Variants in TRIM9 observed in about 807,000 individuals in gnomAD.
TRIM9 encodes the protein E3 ubiquitin-protein ligase TRIM9.
Under a neutral mutation model 78.3 loss-of-function variants are expected in TRIM9, and 26 were observed. The ratio of observed to expected loss-of-function variants is 0.33; its 90% CI spans 0.24 to 0.46. The LOEUF is 0.46. Among genes scored for constraint, TRIM9 ranks in the 20% least tolerant of loss-of-function variants. TRIM9 has a pLI of 1.00. For missense variants in TRIM9, 787 were observed against 1,036.4 expected, an observed-to-expected ratio of 0.76 and a Z score of 3.30; for synonymous variants, 398 against 416.5, an observed-to-expected ratio of 0.96 and a Z score of 0.54.
intron 1 of TRIM9, among the ~76,000 whole-genome samples, chr14:51,046,344 G>A (rs1050551554): frequency 3.3e-5 from 5 of 152,176 alleles, no homozygotes; most frequent in East Asian, 1.9e-4. Flanking sequence ...ATGCAAATGG[G>A]TACAAGGAAG....
In TRIM9 at chr14:51,025,343, C is replaced by T. The variant is rs549131937; in HGVS notation, c.840G>A (p.Ala280=). 41 of 1,614,082 alleles carry T rather than the reference C, an allele frequency of 2.5e-5. No homozygotes were observed. The highest frequency in any genetic ancestry group is 6.7e-5 in the East Asian group (3 of 44,870). The change falls in exon 2 of 13, where the codon GCG becomes GCA. Residue 280 remains alanine, a synonymous_variant. Transcript: ENST00000684578. ...WKLHKSQLSQ[A]LNGLSDRAKE... Reference sequence around the variant, plus strand: ...TGGCCCTGTCTGACAGTCCGTTCAGCGCCTGGGAGAGCTGGCTCTGCAAAG... The same window carrying T: ...TGGCCCTGTCTGACAGTCCGTTCAGTGCCTGGGAGAGCTGGCTCTGCAAAG...
At chr14:51,017,928 T>C (rs925789674) in intron 3 of TRIM9, among the ~76,000 whole-genome samples, 1 of 152,148 alleles carries the variant, frequency 6.6e-6, no homozygotes, top group Non-Finnish European at 1.5e-5. Flanking sequence ...TGATTTTTGC[T>C]CCTATGTGGT....
intron 1 of TRIM9, among the ~76,000 whole-genome samples, chr14:51,025,737 G>C (rs1403858076): frequency 7.3e-6 from 1 of 137,482 alleles, no homozygotes; most frequent in Non-Finnish European, 1.6e-5. Flanking sequence ...ACGTTACTTA[G>C]CACAAAGGGC....
intron 11 of TRIM9, 86 bp from the exon 12 acceptor site, chr14:50,979,635 G>A: frequency 8.7e-7 from 1 of 1,155,130 alleles, no homozygotes; most frequent in South Asian, 1.4e-5. Flanking sequence ...CCAGTGTCTT[G>A]CAACCTGTTT....
intron 1 of TRIM9, among the ~76,000 whole-genome samples, chr14:51,093,586 G>C (rs886115873): frequency 6.6e-6 from 1 of 152,206 alleles, no homozygotes; most frequent in Non-Finnish European, 1.5e-5. Flanking sequence ...GCCCAGAGCC[G>C]GGCTCATCAG....
chr14:51,069,909 C>T (rs932918490), intron 1 of TRIM9, among the ~76,000 whole-genome samples: 3 of 152,200 alleles, frequency 2.0e-5, no homozygotes, highest in Admixed American at 1.3e-4. Flanking sequence ...TGCAAACTTG[C>T]TAAAATTTAT....
At chr14:50,977,581 G>A (rs548813089) in intron 12 of TRIM9, among the ~76,000 whole-genome samples, 1 of 152,314 alleles carries the variant, frequency 6.6e-6, no homozygotes, top group African/African-American at 2.4e-5. Flanking sequence ...ATGGTTCTTA[G>A]TCACCTGCCT....
At chr14:51,024,844 A>T (rs559871055) in intron 2 of TRIM9, among the ~76,000 whole-genome samples, 2 of 152,162 alleles carry the variant, frequency 1.3e-5, no homozygotes, top group Non-Finnish European at 2.9e-5. Context: ...GGAAGGCAGG[A>T]AGGAAATGAA....
chr14:50,985,788 G>A (rs1165756237), intron 8 of TRIM9, among the ~76,000 whole-genome samples, 168 bp downstream of exon 8: 1 of 152,142 alleles, frequency 6.6e-6, no homozygotes, highest in Non-Finnish European at 1.5e-5. Flanking sequence ...AAACAAGAAC[G>A]CCACAAAGCT....
intron 1 of TRIM9, among the ~76,000 whole-genome samples, chr14:51,029,402 C>T (rs914697811): frequency 1.3e-5 from 2 of 152,182 alleles, no homozygotes; most frequent in South Asian, 2.1e-4. Context: ...CACCGCAACA[C>T]CACTGGGCCC....
Position 51,015,367 on chromosome 14 carries a change from T to A in TRIM9, c.1042-4873A>T, listed in dbSNP as rs1022306740. ...ACCAGAAGCAAGACCTGAGGTTAAT[T>A]AGGAGAATTTCATGCTTAACCCAAC... On this transcript the variant is annotated intron_variant, in intron 3 of 12. Transcript: ENST00000684578. Among the ~76,000 whole-genome samples, 3 of 152,210 alleles carry A rather than the reference T, an allele frequency of 2.0e-5. No individual in the cohort carries two copies. In the South Asian group the frequency reaches 6.2e-4, roughly 32 times the overall value.
chr14:50,978,804 C>A, intron 12 of TRIM9: 17 of 636,552 alleles, frequency 2.7e-5, no homozygotes, highest in Non-Finnish European at 3.1e-5. Flanking sequence ...ACACTTATAA[C>A]TGTGCCTGGC....
chr14:51,062,585 G>A (rs892681464), intron 1 of TRIM9, among the ~76,000 whole-genome samples: 1 of 152,156 alleles, frequency 6.6e-6, no homozygotes, highest in Admixed American at 6.5e-5. Flanking sequence ...TGTTTATAGG[G>A]GTTATTTTGG....
At chr14:51,036,656 C>G (rs1278829151) in intron 1 of TRIM9, among the ~76,000 whole-genome samples, 2 of 152,206 alleles carry the variant, frequency 1.3e-5, no homozygotes, top group African/African-American at 2.4e-5. Context: ...TTGACATGAT[C>G]AGTACAGGCT....
intron 3 of TRIM9, among the ~76,000 whole-genome samples, chr14:51,016,686 A>C (rs985892437): frequency 6.6e-6 from 1 of 152,054 alleles, no homozygotes; most frequent in Non-Finnish European, 1.5e-5. Context: ...GAATCGTGGA[A>C]TCAATCCCCC....
At chr14:51,061,021 T>G (rs1310863559) in intron 1 of TRIM9, among the ~76,000 whole-genome samples, 2 of 152,248 alleles carry the variant, frequency 1.3e-5, no homozygotes, top group African/African-American at 4.8e-5. Context: ...AATTCACATT[T>G]TCTTGATAAA....
chr14:50,978,920 T>C, intron 12 of TRIM9: 1 of 1,029,726 alleles, frequency 9.7e-7, no homozygotes, highest in Non-Finnish European at 1.2e-6. Flanking sequence ...GGACTATGTT[T>C]TCTACCCCTT....
intron 3 of TRIM9, among the ~76,000 whole-genome samples, chr14:51,011,526 C>T (rs1385881813): frequency 6.6e-6 from 1 of 152,130 alleles, no homozygotes; most frequent in Non-Finnish European, 1.5e-5. Context: ...TTTCCAGGAA[C>T]CATAACTACT....
chr14:50,986,245 C>T (rs573086591), intron 7 of TRIM9, 101 bp from the exon 8 acceptor site: 2 of 1,040,940 alleles, frequency 1.9e-6, no homozygotes, highest in African/African-American at 3.3e-5. Context: ...CATACAAAGC[C>T]TCATCTTTCC....
Sources: gnomAD v4.1 joint callset for allele counts (sites outside exome capture counted in the v4.1 genomes callset) on GRCh38, gnomAD v4.1.1 for gene constraint, MANE v1.5 for transcripts, NCBI Gene and HGNC (gene_info 2026-07-23, HGNC 2026-07-21) for gene names.